Variants in PPP2R2B observed in about 807,000 individuals in gnomAD.
PPP2R2B encodes the protein serine/threonine-protein phosphatase 2A 55 kDa regulatory subunit B beta isoform.
A neutral mutation model predicts 46.0 loss-of-function variants in PPP2R2B; 5 were observed. The ratio of observed to expected loss-of-function variants is 0.11; its 90% confidence interval spans 0.06 to 0.23. The LOEUF (loss-of-function observed/expected upper bound fraction) is 0.23, where lower values mean the gene tolerates loss of function less well. PPP2R2B is among the 10% of genes least tolerant of loss of function. PPP2R2B has a pLI of 1.00. For missense variants in PPP2R2B, 367 were observed against 575.0 expected (o/e 0.64, Z 3.70); for synonymous variants, 215 against 206.7 (o/e 1.04, Z -0.34).
chr5:146,858,001 T>A (rs1036648578), intron 2 of PPP2R2B, among the ~76,000 whole-genome samples: 3 of 152,228 alleles, frequency 2.0e-5, no homozygotes, highest in African/African-American at 7.2e-5. Flanking sequence ...TGTACTAACA[T>A]TAATAAAAAT....
intron 7 of PPP2R2B, chr5:146,606,894 C>A (rs78703444): frequency 6.6e-6 from 1 of 152,074 alleles, no homozygotes; most frequent in Admixed American, 6.5e-5. Context: ...GGTCCGCTCA[C>A]GATGAAAAAG....
At chr5:146,681,478 G>A (rs1778171839) in intron 5 of PPP2R2B, among the ~76,000 whole-genome samples, 1 of 152,140 alleles carries the variant, frequency 6.6e-6, no homozygotes, top group Non-Finnish European at 1.5e-5. Context: ...TTCAGAAATG[G>A]GACCTGGTGT....
At chr5:146,637,423 C>CA (rs948745939) in intron 7 of PPP2R2B, among the ~76,000 whole-genome samples, 41 of 152,270 alleles carry the variant, frequency 2.7e-4, no homozygotes, top group African/African-American at 9.9e-4. Flanking sequence ...TTCCCCGAAA[C>CA]AAAAATCTAT....
intron 2 of PPP2R2B, among the ~76,000 whole-genome samples, chr5:146,748,803 C>T (rs1753353432): frequency 6.6e-6 from 1 of 152,122 alleles, no homozygotes; most frequent in Admixed American, 6.5e-5. Context: ...GGGTTGTTTC[C>T]AGTTTTTTGG....
At chr5:146,601,764 T>C (rs915512007) in intron 7 of PPP2R2B, among the ~76,000 whole-genome samples, 1 of 152,228 alleles carries the variant, frequency 6.6e-6, no homozygotes, top group African/African-American at 2.4e-5. Context: ...CATAGATATA[T>C]TGCATAGTGG....
chr5:146,664,148 C>T (rs538365977), intron 5 of PPP2R2B, among the ~76,000 whole-genome samples: 1 of 152,092 alleles, frequency 6.6e-6, no homozygotes, highest in Non-Finnish European at 1.5e-5. Flanking sequence ...CTGGCTGTTG[C>T]AATTTTTAAA....
At chr5:146,761,596 A>G (rs759333372) in intron 2 of PPP2R2B, among the ~76,000 whole-genome samples, 9 of 152,080 alleles carry the variant, frequency 5.9e-5, no homozygotes, top group African/African-American at 1.9e-4. Context: ...GTGCACATGT[A>G]CCCTAAAACT....
At chr5:146,805,071 A>G (rs1005113086) in intron 2 of PPP2R2B, among the ~76,000 whole-genome samples, 5 of 152,190 alleles carry the variant, frequency 3.3e-5, no homozygotes, top group Non-Finnish European at 1.5e-5. Context: ...ATGTGCTGGG[A>G]AGAGATTAAC....
intron 2 of PPP2R2B, among the ~76,000 whole-genome samples, chr5:146,782,282 T>C (rs779973029): frequency 1.6e-4 from 25 of 152,242 alleles, no homozygotes; most frequent in Admixed American, 1.6e-3. Flanking sequence ...TCCATTGTCA[T>C]AATTGAACCA....
chr5:146,591,217 C>T (rs1057271093), intron 9 of PPP2R2B, among the ~76,000 whole-genome samples: 6 of 151,956 alleles, frequency 3.9e-5, no homozygotes, highest in Admixed American at 2.0e-4. Flanking sequence ...CAGGAACTCT[C>T]GTGTATTTCT....
intron 2 of PPP2R2B, among the ~76,000 whole-genome samples, chr5:146,831,354 G>A (rs531064040): frequency 3.9e-5 from 6 of 151,908 alleles, no homozygotes; most frequent in South Asian, 4.2e-4. Flanking sequence ...AAAATTAGCC[G>A]AGTGTGGTGG....
intron 2 of PPP2R2B, among the ~76,000 whole-genome samples, chr5:147,080,373 A>G (rs1159351148): frequency 6.6e-6 from 1 of 152,220 alleles, no homozygotes; most frequent in Non-Finnish European, 1.5e-5. Context: ...AGAAGAGCTA[A>G]ACCGTGATTT....
intron 1 of PPP2R2B, among the ~76,000 whole-genome samples, chr5:147,017,973 T>C (rs557992810): frequency 6.6e-6 from 1 of 152,020 alleles, no homozygotes; most frequent in East Asian, 1.9e-4. Context: ...CAGGACCATG[T>C]AGTTTTGCAT....
At chr5:146,682,592 C>G (rs181776217) in intron 5 of PPP2R2B, among the ~76,000 whole-genome samples, 2 of 152,132 alleles carry the variant, frequency 1.3e-5, no homozygotes, top group Non-Finnish European at 2.9e-5. Flanking sequence ...ATGGGAATAA[C>G]AGTAGTACCC....
chr5:146,921,188 A>G (rs319158), intron 1 of PPP2R2B, among the ~76,000 whole-genome samples: 3,192 of 152,324 alleles, frequency 0.021, 107 homozygotes, highest in African/African-American at 0.073. Context: ...AAAACCCCAT[A>G]AAGTGCTAAT....
At chr5:146,862,735 ATCT>A (rs1286262952) in intron 2 of PPP2R2B, among the ~76,000 whole-genome samples, 3 of 150,358 alleles carry the variant, frequency 2.0e-5, no homozygotes, top group Non-Finnish European at 4.4e-5. Context: ...GAACAGACTA[ATCT>A]TCTTAAAGGG....
At chr5:146,873,931 C>G (rs903874902) in intron 2 of PPP2R2B, among the ~76,000 whole-genome samples, 1 of 152,226 alleles carries the variant, frequency 6.6e-6, no homozygotes, top group South Asian at 2.1e-4. Context: ...TAGCCATAGT[C>G]ATCTTTCCAT....
intron 2 of PPP2R2B, among the ~76,000 whole-genome samples, chr5:146,868,038 T>A (rs1011031605): frequency 6.6e-6 from 1 of 152,210 alleles, no homozygotes; most frequent in Non-Finnish European, 1.5e-5. Context: ...CTTAACCTCA[T>A]TGATTGGCAC....
At chr5:146,770,355 A>AAAAAAAAAAAAT (rs1368760298) in intron 2 of PPP2R2B, among the ~76,000 whole-genome samples, 1 of 132,598 alleles carries the variant, frequency 7.5e-6, no homozygotes, top group African/African-American at 2.7e-5. Flanking sequence ...AAAAAAAAAA[A>AAAAAAAAAAAAT]GAATGAAGAA....
Sources: gnomAD v4.1 joint callset for allele counts (sites outside exome capture counted in the v4.1 genomes callset) on GRCh38, gnomAD v4.1.1 for gene constraint, MANE v1.5 for transcripts, NCBI Gene and HGNC (gene_info 2026-07-23, HGNC 2026-07-21) for gene names.